The following TAGLN variants were observed in gnomAD, a reference collection of about 807,000 sequenced individuals.
TAGLN encodes 22 kDa actin-binding protein.
Under a neutral mutation model 21.9 loss-of-function variants are expected in TAGLN, and 16 were observed. The observed-to-expected ratio is 0.73, with a 90% CI of 0.49 to 1.11. TAGLN has a LOEUF of 1.11. Ranked by LOEUF, TAGLN falls within the 50% of genes least tolerant of loss-of-function variation. The probability of loss-of-function intolerance (pLI) is 0.00; values close to 1 mark genes in which losing one functional copy is unlikely to be tolerated. For missense variants in TAGLN, 248 were observed against 263.2 expected, an observed-to-expected ratio of 0.94 and a Z score of 0.40; for synonymous variants, 96 against 94.9, an observed-to-expected ratio of 1.01 and a Z score of -0.06.
rs905940055 is a variant in TAGLN at position 117,203,920 on chromosome 11, G to C, written c.461+36G>C. ...CCCAGGGAGCTTGGGTCTCCGCATGGGGTGGGAGGTGGCTTGTTCTAAGGA... is the reference window on the plus strand; with the variant it reads ...CCCAGGGAGCTTGGGTCTCCGCATGCGGTGGGAGGTGGCTTGTTCTAAGGA... On this transcript the variant is annotated intron_variant, in intron 4 of 4. Coordinates refer to ENST00000392951, the MANE Select transcript of TAGLN (RefSeq NM_003186.5). This position sits in a 1 kb window ranked among gnomAD's most constrained non-coding sequence, Gnocchi z 4.4. 6.4e-7 allele frequency: 1 copy of C among 1,565,082 alleles called. No homozygotes were observed. Among genetic ancestry groups the C allele is most frequent in the African/African-American group, 1.4e-5 (1 of 73,856 alleles).
chr11:117,205,790 C>T lies in TAGLN; in HGVS notation c.*1431C>T, dbSNP rs886993042. The T allele has an allele frequency of 5.3e-5, 24 of 450,540 alleles. No individual in the cohort carries two copies. The highest frequency in any genetic ancestry group is 1.7e-4 in the East Asian group (5 of 28,808). 27.9% of individuals were successfully genotyped at this position (450,540 alleles called of 1,614,324 possible). On this transcript the variant is annotated 3_prime_UTR_variant, in exon 5 of 5. Transcript: ENST00000392951. ...CCAACACCTTCTCACCAAAAGCTCC[C>T]GTTTGGCTGGAGGCAGACCCTGTGG...
intron 1 of TAGLN, among the ~76,000 whole-genome samples, chr11:117,200,098 A>C (rs1048748963): frequency 1.3e-5 from 2 of 152,070 alleles, no homozygotes; most frequent in African/African-American, 4.8e-5. Context: ...TAGGCGGGGC[A>C]GGCCTGGGAC....
chr11:117,200,035 A>G (rs992325791), intron 1 of TAGLN, among the ~76,000 whole-genome samples: 5 of 142,246 alleles, frequency 3.5e-5, no homozygotes, highest in Admixed American at 6.9e-5. Flanking sequence ...GGTCACCCCC[A>G]CTGTAGCAGA....
intron 1 of TAGLN, among the ~76,000 whole-genome samples, chr11:117,200,817 G>C (rs932357637): frequency 3.9e-5 from 6 of 152,140 alleles, no homozygotes; most frequent in African/African-American, 1.2e-4. Context: ...CTGGGGGTAG[G>C]GGACACACTC....
chr11:117,206,293 A>G lies in TAGLN; in HGVS notation c.*1934A>G, dbSNP rs608620. The G allele has an allele frequency of 3.1e-6, 5 of 1,610,748 alleles. No individual in the cohort carries two copies. In the African/African-American group the frequency reaches 4.0e-5, roughly 13 times the overall value. On this transcript the variant is annotated 3_prime_UTR_variant, in exon 5 of 5. Transcript: ENST00000392951. ...TTGGAAGCCACATTCCTCTGGCTCA[A>G]ATATACTTCCAGCATGTAGTAAACA...
chr11:117,203,361 G>A lies in TAGLN; in HGVS notation c.235G>A (p.Val79Met), dbSNP rs2031181752. 1.9e-6 allele frequency: 3 copies of A among 1,614,068 alleles called. No individual in the cohort carries two copies. The highest frequency in any genetic ancestry group is 3.3e-5 in the Admixed American group (2 of 60,012). Residue 79 changes from valine to methionine, a missense_variant, in exon 3 of 5, where the codon GTG becomes ATG. Val to Met is a conservative substitution (Grantham distance 21). Transcript: ENST00000392951. This position sits in a 1 kb window ranked among gnomAD's most constrained non-coding sequence, Gnocchi z 4.4. ...CCCTGATGGCTCCAAGCCGGTGAAGGTGCCCGAGAACCCACCCTCCATGGT... is the reference window on the plus strand; with the variant it reads ...CCCTGATGGCTCCAAGCCGGTGAAGATGCCCGAGAACCCACCCTCCATGGT... Reference protein sequence around the residue: ...LYPDGSKPVKVPENPPSMVFK... With the variant: ...LYPDGSKPVKMPENPPSMVFK...
chr11:117,204,399 T>A lies in TAGLN; in HGVS notation c.*40T>A. 6.2e-7 allele frequency: 1 copy of A among 1,613,860 alleles called. No individual in the cohort carries two copies. Among genetic ancestry groups the A allele is most frequent in the African/African-American group, 1.3e-5 (1 of 75,042 alleles). On this transcript the variant is annotated 3_prime_UTR_variant, in exon 5 of 5. Transcript: ENST00000392951. ...GCCCTGAGCCCGGCCCTCCCCCAGC[T>A]CCTTGGCTGCAGCCATCCCGCTTAG...
chr11:117,203,504 G>T lies in TAGLN; in HGVS notation c.358+20G>T, dbSNP rs1174680236. On this transcript the variant is annotated intron_variant, in intron 3 of 4. Coordinates refer to ENST00000392951, the MANE Select transcript of TAGLN (RefSeq NM_003186.5). This position sits in a 1 kb window ranked among gnomAD's most constrained non-coding sequence, Gnocchi z 4.4. ...TTGAAGGTAGAGAGGAAGAGGCTGG[G>T]GGAGGAGGTGGGCAGGAGGACAGGG... 5.6e-6 allele frequency: 9 copies of T among 1,610,904 alleles called. No individual in the cohort carries two copies. In the East Asian group the frequency reaches 2.0e-4, roughly 36 times the overall value.
chr11:117,203,763 CTCTCCTGTCTTCTCA>C lies in TAGLN; in HGVS notation c.359-18_359-4del. 6.2e-7 allele frequency: 1 copy of C among 1,609,356 alleles called. No individual in the cohort carries two copies. Among genetic ancestry groups the C allele is most frequent in the South Asian group, 1.1e-5 (1 of 90,916 alleles). On this transcript the variant is annotated splice_polypyrimidine_tract_variant and splice_region_variant and intron_variant, in intron 3 of 4. Transcript: ENST00000392951. The surrounding 1 kb of genome is among the most constrained non-coding windows in gnomAD (Gnocchi z 4.4). ...TATACGTTCTTGATGTTCATCTCCT[CTCTCCTGTCTTCTCA>C]CAGGCAAAGACATGGCAGCAGTGCA...
rs2031305240 is a variant in TAGLN, at chr11:117,205,358, A to G, written c.*999A>G. On this transcript the variant is annotated 3_prime_UTR_variant, in exon 5 of 5. Transcript: ENST00000392951. Reference sequence around the variant, plus strand: ...CTCTCCTCCAACATGTGCATCTGCCATCTGCTCTGCAGTCCTGCCGCAGGA... The same window carrying G: ...CTCTCCTCCAACATGTGCATCTGCCGTCTGCTCTGCAGTCCTGCCGCAGGA... The G allele has an allele frequency of 8.6e-6, 2 of 233,548 alleles. No individual in the cohort carries two copies. The highest frequency in any genetic ancestry group is 1.7e-5 in the Non-Finnish European group (2 of 117,976). 14.5% of individuals were successfully genotyped at this position (233,548 alleles called of 1,614,324 possible). A position where few individuals can be genotyped will look rare whatever the true frequency, so the allele number is the denominator to read the frequency against.
chr11:117,199,717 AG>A (rs1221687318), intron 1 of TAGLN: 1 of 152,286 alleles, frequency 6.6e-6, no homozygotes, highest in Non-Finnish European at 1.5e-5. Context: ...GGTGAGAGGG[AG>A]GCTCCCCATC....
chr11:117,203,132 C>A lies in TAGLN; in HGVS notation c.119C>A (p.Pro40His). ...GAGTGGATCATAGTGCAGTGTGGCCCTGATGTGGGCCGCCCAGACCGTGGG... is the reference window on the plus strand; with the variant it reads ...GAGTGGATCATAGTGCAGTGTGGCCATGATGTGGGCCGCCCAGACCGTGGG... ...LVEWIIVQCG[P>H]DVGRPDRGRL... is the part of the protein sequence containing the mutation. Residue 40 changes from proline (P) to histidine (H), a missense_variant, in exon 2 of 5, where the codon CCT becomes CAT. Coordinates refer to ENST00000392951, the MANE Select transcript of TAGLN (RefSeq NM_003186.5). The surrounding 1 kb of genome is among the most constrained non-coding windows in gnomAD (Gnocchi z 4.4). 1 of 1,608,252 alleles carries A rather than the reference C, an allele frequency of 6.2e-7. No individual in the cohort carries two copies. The highest frequency in any genetic ancestry group is 8.5e-7 in the Non-Finnish European group (1 of 1,176,664).
chr11:117,203,068 G>C lies in TAGLN; in HGVS notation c.55G>C (p.Glu19Gln). The change falls in exon 2 of 5, where the codon GAG (glutamate) becomes CAG (glutamine). Residue 19 changes from glutamate to glutamine, a missense_variant. Physicochemically the swap from Glu to Gln is conservative, Grantham distance 29. Coordinates refer to ENST00000392951, the MANE Select transcript of TAGLN (RefSeq NM_003186.5). The surrounding 1 kb of genome is among the most constrained non-coding windows in gnomAD (Gnocchi z 4.4). Reference protein sequence around the residue: ...GMSREVQSKIEKKYDEELEER... With the variant: ...GMSREVQSKIQKKYDEELEER... Reference sequence around the variant, plus strand: ...GAGCCGCGAAGTGCAGTCCAAAATCGAGAAGAAGTATGACGAGGAGCTGGA... The same window carrying C: ...GAGCCGCGAAGTGCAGTCCAAAATCCAGAAGAAGTATGACGAGGAGCTGGA... 1 of 1,610,488 alleles carries C rather than the reference G, an allele frequency of 6.2e-7. No homozygotes were observed. Among genetic ancestry groups the C allele is most frequent in the South Asian group, 1.1e-5 (1 of 90,398 alleles).
Position 117,204,217 on chromosome 11 carries a change from A to C in TAGLN, c.464A>C (p.Lys155Thr), listed in dbSNP as rs780553555. Residue 155 changes from lysine to threonine, a missense_variant and splice_region_variant, in exon 5 of 5, where the codon AAA becomes ACA. Transcript: ENST00000392951. ...TATCCTGGTTCCTCCTCTTCTAGGA[A>C]AGCGCAGGAGCATAAGAGGGAATTC... ...YRGDPNWFMK[K>T]AQEHKREFTE... The C allele has an allele frequency of 1.9e-6, 3 of 1,614,194 alleles. No homozygotes were observed. In the South Asian group the frequency reaches 3.3e-5, roughly 18 times the overall value.
At position 117,203,961 on chromosome 11, in the gene TAGLN, TA is replaced by T; in HGVS notation, c.461+78del. ...GTTCTAAGGAGCTTGCGGGAAGGAT[TA>T]GGGGAAGCAGATAGCCAAGAAAGGA... On this transcript the variant is annotated intron_variant, in intron 4 of 4. Transcript: ENST00000392951. The surrounding 1 kb of genome is among the most constrained non-coding windows in gnomAD (Gnocchi z 4.4). The T allele has an allele frequency of 7.5e-7, 1 of 1,337,980 alleles. No homozygotes were observed. The allele number at this position is 1,337,980 out of a possible 1,614,324, so 82.9% of individuals were successfully genotyped here. A position where few individuals can be genotyped will look rare whatever the true frequency, so the allele number is the denominator to read the frequency against.
chr11:117,205,079 G>A lies in TAGLN; in HGVS notation c.*720G>A, dbSNP rs761489208. ...AGATTGCGAGTGGCAGAATTGTTTGGAAGGTTTTTATTTTGGAAAAGCTGT... is the reference window on the plus strand; with the variant it reads ...AGATTGCGAGTGGCAGAATTGTTTGAAAGGTTTTTATTTTGGAAAAGCTGT... On this transcript the variant is annotated 3_prime_UTR_variant, in exon 5 of 5. Coordinates refer to ENST00000392951, the MANE Select transcript of TAGLN (RefSeq NM_003186.5). The A allele has an allele frequency of 1.3e-5, 3 of 222,840 alleles. No individual in the cohort carries two copies. The highest frequency in any genetic ancestry group is 2.7e-5 in the Non-Finnish European group (3 of 111,286). 13.8% of individuals were successfully genotyped at this position (222,840 alleles called of 1,614,324 possible).
At chr11:117,200,610 T>C (rs2031052694) in intron 1 of TAGLN, among the ~76,000 whole-genome samples, 1 of 152,206 alleles carries the variant, frequency 6.6e-6, no homozygotes, top group South Asian at 2.1e-4. Context: ...TTCTCCACTT[T>C]TCGACCCTGA....
rs904446523 is a variant in TAGLN at position 117,203,538 on chromosome 11, C to T, written c.358+54C>T. On this transcript the variant is annotated intron_variant, in intron 3 of 4. Transcript: ENST00000392951. The surrounding 1 kb of genome is among the most constrained non-coding windows in gnomAD (Gnocchi z 4.4). ...TGGGCAGGAGGACAGGGTGCTGGGA[C>T]AGGGAGAGGGAATGACCAGAATATG... The T allele has an allele frequency of 5.0e-6, 8 of 1,592,528 alleles. No individual in the cohort carries two copies. The highest frequency in any genetic ancestry group is 2.2e-5 in the South Asian group (2 of 89,418).
rs755058563 is a variant in TAGLN at position 117,203,242 on chromosome 11, CTG to C, written c.180+52_180+53del. On this transcript the variant is annotated intron_variant, in intron 2 of 4. Coordinates refer to ENST00000392951, the MANE Select transcript of TAGLN (RefSeq NM_003186.5). The surrounding 1 kb of genome is among the most constrained non-coding windows in gnomAD (Gnocchi z 4.4). ...CGCTGGGGGGCTGGGGTGTGCCACC[CTG>C]TGAGTCCTGGGCCAATCCCTGAGCT... The C allele has an allele frequency of 1.3e-6, 2 of 1,598,366 alleles. No homozygotes were observed. The highest frequency in any genetic ancestry group is 1.7e-6 in the Non-Finnish European group (2 of 1,168,446).
Sources: gnomAD v4.1 joint callset for allele counts (sites outside exome capture counted in the v4.1 genomes callset) on GRCh38, gnomAD v4.1.1 for gene constraint, Gnocchi (gnomAD v3.1) non-coding constraint, MANE v1.5 for transcripts, NCBI Gene and HGNC (gene_info 2026-07-23, HGNC 2026-07-21) for gene names.